Variants in FXYD6 observed in about 807,000 individuals in gnomAD.
FXYD6 encodes FXYD domain containing ion transport regulator 6.
A neutral mutation model predicts 16.7 loss-of-function variants in FXYD6; 7 were observed. The observed-to-expected ratio is 0.42, with a 90% CI of 0.24 to 0.79. The LOEUF is 0.79. Among genes scored for constraint, FXYD6 ranks in the 30% least tolerant of loss-of-function variants. The probability of loss-of-function intolerance (pLI) is 0.28; values close to 1 mark genes in which losing one functional copy is unlikely to be tolerated. For synonymous variants in FXYD6, 49 were observed against 43.0 expected, an observed-to-expected ratio of 1.14 and a Z score of -0.54; for missense variants, 111 against 116.2, an observed-to-expected ratio of 0.95 and a Z score of 0.21.
intron 1 of FXYD6, among the ~76,000 whole-genome samples, chr11:117,845,105 T>C (rs2056442001): frequency 6.6e-6 from 1 of 152,218 alleles, no homozygotes; most frequent in Non-Finnish European, 1.5e-5. Flanking sequence ...TTCCAAGACA[T>C]TTCATCCTCC....
intron 1 of FXYD6, among the ~76,000 whole-genome samples, chr11:117,845,978 T>C (rs1197026154): frequency 7.9e-5 from 12 of 152,184 alleles, no homozygotes; most frequent in Admixed American, 7.9e-4. Context: ...ATTCATTGGG[T>C]TGTATAGTAT....
chr11:117,843,549 G>A (rs1298708291), intron 1 of FXYD6: 2 of 152,146 alleles, frequency 1.3e-5, no homozygotes, highest in Non-Finnish European at 2.9e-5. Flanking sequence ...ACTAAATGGG[G>A]CCAGTAAACC....
intron 1 of FXYD6, among the ~76,000 whole-genome samples, chr11:117,854,553 A>G (rs901017760): frequency 4.6e-5 from 7 of 152,250 alleles, no homozygotes; most frequent in Admixed American, 2.6e-4. Context: ...AACAAGATAC[A>G]GCCTTAGCTA....
chr11:117,868,237 C>T (rs964736118), intron 1 of FXYD6, among the ~76,000 whole-genome samples: 2 of 152,038 alleles, frequency 1.3e-5, no homozygotes, highest in Non-Finnish European at 2.9e-5. Context: ...TCTCGAGGAG[C>T]GGAGAGAACA....
At position 117,841,103 on chromosome 11, in the gene FXYD6, C is replaced by A. The variant is rs200247103; in HGVS notation, c.209+45G>T. 9 of 1,612,944 alleles carry A rather than the reference C, an allele frequency of 5.6e-6. No homozygotes were observed. The African/African-American group carries it at 9.3e-5, about 17-fold the overall frequency. ...CACACACCAGGGGTCCCTTCCTGTC[C>A]CACCTAGTATCACCCCCCCAAGGCC... On this transcript the variant is annotated intron_variant, in intron 5 of 7. Transcript: ENST00000526014.
intron 1 of FXYD6, among the ~76,000 whole-genome samples, chr11:117,852,508 T>G (rs1430480102): frequency 6.6e-6 from 1 of 152,242 alleles, no homozygotes; most frequent in Non-Finnish European, 1.5e-5. Flanking sequence ...GCTGCTTATA[T>G]CATCATTCCT....
intron 1 of FXYD6, among the ~76,000 whole-genome samples, chr11:117,861,557 G>T (rs768562575): frequency 6.6e-6 from 1 of 152,226 alleles, no homozygotes; most frequent in Admixed American, 6.5e-5. Context: ...GCCTGTGGAC[G>T]GAGCTGAGTG....
In FXYD6 at chr11:117,872,309, T is replaced by G. The variant is rs547005298; in HGVS notation, c.-6+4283A>C. On this transcript the variant is annotated intron_variant, in intron 1 of 7. Transcript: ENST00000526014. This position sits in a 1 kb window ranked among gnomAD's most constrained non-coding sequence, Gnocchi z 4.9. ...GAGTGTAAGTGCACCCGTGATTGCA[T>G]GGAGGGGCTCTTCCTATGGAGGAAG... 7.2e-5 allele frequency among the ~76,000 whole-genome samples: 11 copies of G among 152,192 alleles called. No homozygotes were observed. In the South Asian group the frequency reaches 1.7e-3, roughly 23 times the overall value.
chr11:117,864,811 T>C (rs2056979948), intron 1 of FXYD6, among the ~76,000 whole-genome samples: 1 of 152,160 alleles, frequency 6.6e-6, no homozygotes, highest in Admixed American at 6.5e-5. Flanking sequence ...GGTCTCGAAC[T>C]CCTGACCTCG....
At chr11:117,876,350 C>T (rs1238622858) in intron 1 of FXYD6, among the ~76,000 whole-genome samples, 2 of 152,206 alleles carry the variant, frequency 1.3e-5, no homozygotes, top group East Asian at 1.9e-4. Flanking sequence ...TCACCCCCAG[C>T]GCCACAGCCT....
intron 1 of FXYD6, chr11:117,843,617 T>G (rs1341588234): frequency 1.3e-5 from 2 of 152,234 alleles, no homozygotes; most frequent in Non-Finnish European, 2.9e-5. Context: ...TCCTGGGCCC[T>G]GAAGCGCTGA....
At position 117,872,500 on chromosome 11, in the gene FXYD6, A is replaced by G. The variant is rs2057160464; in HGVS notation, c.-6+4092T>C. Among the ~76,000 whole-genome samples the G allele has an allele frequency of 6.6e-6, 1 of 152,222 alleles. No individual in the cohort carries two copies. Among genetic ancestry groups the G allele is most frequent in the Non-Finnish European group, 1.5e-5 (1 of 68,028 alleles). On this transcript the variant is annotated intron_variant, in intron 1 of 7. Transcript: ENST00000526014. The surrounding 1 kb of genome is among the most constrained non-coding windows in gnomAD (Gnocchi z 4.9). ...ACATATGAGGGGAACATTTATTAAA[A>G]GGATGAACGAGGGAGTTTGAAACCT...
chr11:117,866,298 G>T lies in FXYD6; in HGVS notation c.-6+10294C>A, dbSNP rs75753691. Among the ~76,000 whole-genome samples, 1,375 of 151,958 alleles carry T rather than the reference G, an allele frequency of 9.0e-3. 22 individuals carry two copies. The highest frequency in any genetic ancestry group is 0.032 in the African/African-American group (1,308 of 41,428). On this transcript the variant is annotated intron_variant, in intron 1 of 7. Transcript: ENST00000526014. ...CTTAAAAATCATAGTACATTTTATG[G>T]TATGTGTATTTTACCATACTAAAAA...
chr11:117,858,693 T>C (rs7479600), intron 1 of FXYD6, among the ~76,000 whole-genome samples: 324 of 66,694 alleles, frequency 4.9e-3, no homozygotes, highest in Admixed American at 7.4e-3. Context: ...CTTTCTTTCT[T>C]TCTTTCTTTC....
At chr11:117,847,471 G>A (rs183678179) in intron 1 of FXYD6, among the ~76,000 whole-genome samples, 791 of 151,548 alleles carry the variant, frequency 5.2e-3, no homozygotes, top group Non-Finnish European at 8.5e-3. Context: ...CCATTAACTC[G>A]TCATTTAACA....
intron 7 of FXYD6, 128 bp downstream of exon 7, chr11:117,839,653 G>T: frequency 1.8e-6 from 2 of 1,128,034 alleles, no homozygotes; most frequent in Non-Finnish European, 2.6e-6. Context: ...GCTCCTCAGG[G>T]CAGGGCCCAT....
Position 117,872,580 on chromosome 11 carries a change from C to T in FXYD6, c.-6+4012G>A, listed in dbSNP as rs1236667928. Among the ~76,000 whole-genome samples, 1 of 152,210 alleles carries T rather than the reference C, an allele frequency of 6.6e-6. No individual in the cohort carries two copies. Among genetic ancestry groups the T allele is most frequent in the African/African-American group, 2.4e-5 (1 of 41,452 alleles). On this transcript the variant is annotated intron_variant, in intron 1 of 7. Coordinates refer to ENST00000526014, the MANE Select transcript of FXYD6 (RefSeq NM_022003.4). This position sits in a 1 kb window ranked among gnomAD's most constrained non-coding sequence, Gnocchi z 4.9. Reference sequence around the variant, plus strand: ...CTTTGTCCTCCAGCTGCGTGGGGGTCACTGTTATTCTAACTACACCCCTTC... The same window carrying T: ...CTTTGTCCTCCAGCTGCGTGGGGGTTACTGTTATTCTAACTACACCCCTTC...
intron 2 of FXYD6, 172 bp from the exon 3 acceptor site, chr11:117,842,200 T>C: frequency 1.1e-6 from 1 of 938,060 alleles, no homozygotes; most frequent in Non-Finnish European, 1.6e-6. Flanking sequence ...GTTAGGGGGT[T>C]AGGGGAACCC....
At chr11:117,871,896 C>T (rs1591597787) in intron 1 of FXYD6, among the ~76,000 whole-genome samples, 1 of 152,160 alleles carries the variant, frequency 6.6e-6, no homozygotes, top group Non-Finnish European at 1.5e-5. Context: ...ACCCTCTACT[C>T]GGCACATTCC....
Sources: gnomAD v4.1 joint callset for allele counts (sites outside exome capture counted in the v4.1 genomes callset) on GRCh38, gnomAD v4.1.1 for gene constraint, Gnocchi (gnomAD v3.1) non-coding constraint, MANE v1.5 for transcripts, NCBI Gene and HGNC (gene_info 2026-07-23, HGNC 2026-07-21) for gene names.